Variants in TRANK1 observed in about 807,000 individuals in gnomAD.
TRANK1 encodes TPR and ankyrin repeat-containing protein 1.
Under a neutral mutation model 266.0 loss-of-function variants are expected in TRANK1, and 198 were observed. The observed-to-expected ratio is 0.74, with a 90% CI of 0.66 to 0.84. The LOEUF (loss-of-function observed/expected upper bound fraction) is 0.84. Among genes scored for constraint, TRANK1 ranks in the 40% least tolerant of loss-of-function variants. The probability of loss-of-function intolerance (pLI) is 0.00; values close to 1 mark genes in which losing one functional copy is unlikely to be tolerated. For synonymous variants in TRANK1, 1,396 were observed against 1,384.1 expected (o/e 1.01, Z -0.19); for missense variants, 3,326 against 3,634.6 (o/e 0.92, Z 2.18).
In TRANK1 at chr3:36,888,942, A is replaced by G. The variant is rs186550951; in HGVS notation, c.907+887T>C. On this transcript the variant is annotated intron_variant, in intron 8 of 23. Transcript: ENST00000645898. ...GCCTGTAATCCCAACTACTCAGGAG[A>G]GGCTGAGGCAGGAGAATCCCTTGAA... Among the ~76,000 whole-genome samples the G allele has an allele frequency of 1.0e-3, 159 of 152,218 alleles. 2 individuals are homozygous for G. The highest frequency in any genetic ancestry group is 3.4e-3 in the Middle Eastern group (1 of 294).
chr3:36,926,092 C>G (rs112650746), intron 1 of TRANK1, among the ~76,000 whole-genome samples: 1,631 of 152,208 alleles, frequency 0.011, 35 homozygotes, highest in African/African-American at 0.035. Flanking sequence ...ATGACATATA[C>G]CCCCACACCA....
chr3:36,834,720 G>T (rs1448203547), intron 21 of TRANK1, 42 bp downstream of exon 21: 1 of 1,584,162 alleles, frequency 6.3e-7, no homozygotes, highest in Non-Finnish European at 8.6e-7. Flanking sequence ...AGAGAGAAGT[G>T]GGAGGAAGAG....
intron 22 of TRANK1, 62 bp from the exon 23 acceptor site, chr3:36,829,724 T>C: frequency 6.5e-7 from 1 of 1,539,370 alleles, no homozygotes; most frequent in South Asian, 1.1e-5. Flanking sequence ...AGAACACCAA[T>C]TACTAGACCC....
At chr3:36,829,437 C>T (rs527777536) in intron 23 of TRANK1, 127 bp downstream of exon 23, 1 of 819,616 alleles carries the variant, frequency 1.2e-6, no homozygotes, top group Admixed American at 2.1e-5. Flanking sequence ...AGGTGATGCT[C>T]CTAGACAGTG....
At chr3:36,902,866 T>C (rs2079904032) in intron 3 of TRANK1, among the ~76,000 whole-genome samples, 1 of 152,252 alleles carries the variant, frequency 6.6e-6, no homozygotes, top group Non-Finnish European at 1.5e-5. Context: ...CTGCTGTTCC[T>C]ACAAAGTGCA....
intron 3 of TRANK1, among the ~76,000 whole-genome samples, chr3:36,902,042 C>G (rs1406290336): frequency 6.6e-6 from 1 of 152,066 alleles, no homozygotes; most frequent in Admixed American, 6.6e-5. Flanking sequence ...TTTTGGCTTC[C>G]CTGGGCCATA....
At chr3:36,945,406 G>C (rs1422379619), upstream of TRANK1, among the ~76,000 whole-genome samples, 2 of 152,246 alleles carry the variant, frequency 1.3e-5, no homozygotes, top group East Asian at 3.9e-4. Context: ...CGGAGAACAA[G>C]CCCCCTAGCT....
In TRANK1 at chr3:36,832,619, T is replaced by C. The variant is rs1388768931; in HGVS notation, c.6964A>G (p.Asn2322Asp). 3 of 1,614,012 alleles carry C rather than the reference T, an allele frequency of 1.9e-6. No individual in the cohort carries two copies. The highest frequency in any genetic ancestry group is 2.5e-6 in the Non-Finnish European group (3 of 1,179,894). ...HFLFENESAR[N>D]RRESTDLWLS... ...CACAGGTCTGTGGATTCCCGGCGGT[T>C]GCGTGCGCTTTCATTTTCAAACAGA... Residue 2322 changes from asparagine to aspartate, a missense_variant, in exon 22 of 24, where the codon AAC (asparagine) becomes GAC (aspartate). Physicochemically the swap from Asn to Asp is conservative, Grantham distance 23. Transcript: ENST00000645898.
intron 1 of TRANK1, among the ~76,000 whole-genome samples, chr3:36,914,393 G>A (rs984157746): frequency 4.6e-5 from 7 of 150,542 alleles, no homozygotes; most frequent in African/African-American, 1.2e-4. Flanking sequence ...GTGATCCCTC[G>A]GTCTTCCAAA....
intron 1 of TRANK1, among the ~76,000 whole-genome samples, chr3:36,918,530 A>G (rs13087693): frequency 0.066 from 1,209 of 18,222 alleles, 209 homozygotes; most frequent in African/African-American, 0.13. Flanking sequence ...AAAGAAAGAA[A>G]GAAGGAAGGA....
intron 4 of TRANK1, among the ~76,000 whole-genome samples, chr3:36,897,613 T>C (rs1198843996): frequency 1.3e-5 from 2 of 152,216 alleles, no homozygotes; most frequent in Non-Finnish European, 2.9e-5. Flanking sequence ...AGTCTATCCA[T>C]TGTCAGCTGT....
intron 9 of TRANK1, among the ~76,000 whole-genome samples, chr3:36,871,434 C>T (rs1393559908): frequency 2.6e-5 from 4 of 152,152 alleles, no homozygotes; most frequent in Non-Finnish European, 1.5e-5. Flanking sequence ...CTACCACTAA[C>T]CAGTGGTTCT....
chr3:36,941,656 G>C (rs368062014), intron 1 of TRANK1, among the ~76,000 whole-genome samples: 1 of 152,178 alleles, frequency 6.6e-6, no homozygotes. Context: ...AAAGATGCCT[G>C]TTTATCTGGC....
chr3:36,855,978 C>A lies in TRANK1; in HGVS notation c.3744G>T (p.Gln1248His). The change falls in exon 13 of 24, where the codon CAG (glutamine) becomes CAT (histidine). Residue 1248 changes from glutamine (Q) to histidine (H), a missense_variant. Transcript: ENST00000645898. ...GAGAAGCATCAAGCAGAAGAAGCAG[C>A]TGCTTGGAAGTGACAAACAGAGGAA... ...ENFPLFVTSK[Q>H]LLLLLDASLP... is the part of the protein sequence containing the mutation. 6.2e-7 allele frequency: 1 copy of A among 1,613,610 alleles called. No individual in the cohort carries two copies. The highest frequency in any genetic ancestry group is 1.3e-5 in the African/African-American group (1 of 74,950).
intron 2 of TRANK1, among the ~76,000 whole-genome samples, chr3:36,904,387 G>C (rs1361406968): frequency 1.3e-5 from 2 of 151,836 alleles, no homozygotes; most frequent in Non-Finnish European, 2.9e-5. Flanking sequence ...GGGTGTGGTG[G>C]GGTGCACCTG....
chr3:36,834,020 T>G, intron 21 of TRANK1, 101 bp from the exon 22 acceptor site: 2 of 1,190,540 alleles, frequency 1.7e-6, no homozygotes, highest in Non-Finnish European at 2.3e-6. Flanking sequence ...AACTCCCACA[T>G]GTAGATATTA....
chr3:36,873,764 T>A (rs2079343857), intron 9 of TRANK1, among the ~76,000 whole-genome samples: 1 of 151,972 alleles, frequency 6.6e-6, no homozygotes, highest in South Asian at 2.1e-4. Flanking sequence ...TATTTTAAAT[T>A]GTTGGCCATA....
chr3:36,945,509 A>G (rs1017884321), upstream of TRANK1, among the ~76,000 whole-genome samples: 1 of 152,104 alleles, frequency 6.6e-6, no homozygotes, highest in Non-Finnish European at 1.5e-5. Flanking sequence ...TCCGGGAGTG[A>G]AGGGGGCAGC....
chr3:36,892,371 T>C (rs2079713256), intron 6 of TRANK1, 31 bp from the exon 7 acceptor site: 3 of 1,536,208 alleles, frequency 2.0e-6, no homozygotes, highest in African/African-American at 1.4e-5. Flanking sequence ...GGACAAATTA[T>C]GGAAGTCACT....
Sources: gnomAD v4.1 joint callset for allele counts (sites outside exome capture counted in the v4.1 genomes callset) on GRCh38, gnomAD v4.1.1 for gene constraint, MANE v1.5 for transcripts, NCBI Gene and HGNC (gene_info 2026-07-23, HGNC 2026-07-21) for gene names.